The following MATCAP2 variants were observed in gnomAD, a reference collection of about 807,000 sequenced individuals.
The protein encoded by MATCAP2 is putative tyrosine carboxypeptidase MATCAP2.
chr7:36,334,129 G>A, the MATCAP2 span: 3 of 1,613,674 alleles, frequency 1.9e-6, no homozygotes, highest in Non-Finnish European at 1.7e-6. Flanking sequence ...CATGGCTGCT[G>A]GAGGTTGTTA....
the MATCAP2 span, among the ~76,000 whole-genome samples, chr7:36,360,258 C>A: frequency 6.6e-6 from 1 of 151,988 alleles, no homozygotes; most frequent in Non-Finnish European, 1.5e-5. Flanking sequence ...CAGTGACCTC[C>A]AAATTCATAA....
At chr7:36,344,048 T>C in the MATCAP2 span, among the ~76,000 whole-genome samples, 3 of 152,124 alleles carry the variant, frequency 2.0e-5, no homozygotes, top group African/African-American at 7.2e-5. Flanking sequence ...TAAAACTATT[T>C]TCTTAAAAAA....
chr7:36,356,881 A>G, the MATCAP2 span: 2 of 1,580,548 alleles, frequency 1.3e-6, no homozygotes, highest in South Asian at 2.2e-5. Context: ...ATGAACTACC[A>G]CTATTGAAAT....
chr7:36,390,177 G>A, the MATCAP2 span: 3 of 1,482,050 alleles, frequency 2.0e-6, no homozygotes, highest in Middle Eastern at 2.4e-4. Context: ...GTGTGTGCGG[G>A]CCGGGGTCGC....
the MATCAP2 span, chr7:36,356,527 AAAC>A: frequency 2.9e-6 from 1 of 342,594 alleles, no homozygotes; most frequent in Non-Finnish European, 5.3e-6. Flanking sequence ...AAAAAACAAA[AAAC>A]AACAAAGAAA....
chr7:36,384,710 G>T, the MATCAP2 span, among the ~76,000 whole-genome samples: 1 of 152,210 alleles, frequency 6.6e-6, no homozygotes, highest in Non-Finnish European at 1.5e-5. Context: ...TCTTTCAGGA[G>T]GTAGCACATG....
the MATCAP2 span, among the ~76,000 whole-genome samples, chr7:36,348,096 G>A: frequency 6.6e-6 from 1 of 152,136 alleles, no homozygotes; most frequent in Non-Finnish European, 1.5e-5. Flanking sequence ...CCTTTGCTTA[G>A]GTGGTGCGCC....
At chr7:36,379,526 A>G in the MATCAP2 span, among the ~76,000 whole-genome samples, 1 of 152,102 alleles carries the variant, frequency 6.6e-6, no homozygotes, top group Non-Finnish European at 1.5e-5. Flanking sequence ...TTTTTTCTGA[A>G]CTGTTTTAAG....
chr7:36,390,075 G>GT, the MATCAP2 span: 1 of 1,613,180 alleles, frequency 6.2e-7, no homozygotes, highest in Non-Finnish European at 8.5e-7. Flanking sequence ...AGCCAGCCAT[G>GT]ACCCACCGCT....
At chr7:36,367,736 C>T in the MATCAP2 span, among the ~76,000 whole-genome samples, 1 of 152,128 alleles carries the variant, frequency 6.6e-6, no homozygotes, top group Non-Finnish European at 1.5e-5. Context: ...TATTCATTTT[C>T]ACATTAGCAA....
the MATCAP2 span, chr7:36,356,838 TA>T: frequency 7.6e-7 from 1 of 1,318,296 alleles, no homozygotes; most frequent in Non-Finnish European, 1.1e-6. Context: ...TTTTTGCTTA[TA>T]AGATCACAGA....
the MATCAP2 span, among the ~76,000 whole-genome samples, chr7:36,375,560 G>A: frequency 3.3e-5 from 5 of 151,974 alleles, no homozygotes; most frequent in Non-Finnish European, 7.4e-5. Context: ...TTTTTTTGTT[G>A]TGTCTCTGCC....
chr7:36,346,892 C>A, the MATCAP2 span, among the ~76,000 whole-genome samples: 11 of 152,248 alleles, frequency 7.2e-5, no homozygotes, highest in Admixed American at 5.2e-4. Context: ...TCCTGAGTAG[C>A]TAGGATTATA....
chr7:36,335,177 A>G, the MATCAP2 span: 23 of 1,613,698 alleles, frequency 1.4e-5, no homozygotes, highest in Non-Finnish European at 1.9e-5. Context: ...ATGAACTACA[A>G]TCTAAGGGGC....
the MATCAP2 span, among the ~76,000 whole-genome samples, chr7:36,365,790 C>A: frequency 6.6e-6 from 1 of 152,354 alleles, no homozygotes; most frequent in Non-Finnish European, 1.5e-5. Flanking sequence ...TAACTTTTGA[C>A]ATTTTAATTG....
At chr7:36,361,030 C>T in the MATCAP2 span, among the ~76,000 whole-genome samples, 5 of 152,110 alleles carry the variant, frequency 3.3e-5, no homozygotes, top group Non-Finnish European at 7.4e-5. Context: ...TCGTTCACCC[C>T]AACCTGATTA....
At chr7:36,356,623 A>C in the MATCAP2 span, 1 of 547,472 alleles carries the variant, frequency 1.8e-6, no homozygotes, top group East Asian at 2.9e-5. Context: ...TGTAACTCCC[A>C]CATGAAAGCT....
the MATCAP2 span, among the ~76,000 whole-genome samples, chr7:36,380,003 C>T: frequency 2.6e-5 from 4 of 152,140 alleles, no homozygotes; most frequent in Admixed American, 6.5e-5. Flanking sequence ...CACAACTTTT[C>T]TGTAAGTCTG....
At chr7:36,366,788 G>T in the MATCAP2 span, 4 of 1,534,232 alleles carry the variant, frequency 2.6e-6, no homozygotes, top group Non-Finnish European at 2.6e-6. Context: ...GCGCCCCGAA[G>T]GGGTCGGGGC....
Sources: gnomAD v4.1 joint callset for allele counts (sites outside exome capture counted in the v4.1 genomes callset) on GRCh38, gnomAD v4.1.1 for gene constraint, MANE v1.5 for transcripts, NCBI Gene and HGNC (gene_info 2026-07-23, HGNC 2026-07-21) for gene names.